The following CLDN16 variants were observed in gnomAD, a reference collection of about 807,000 sequenced individuals.
CLDN16 encodes claudin-16.
Under a neutral mutation model 24.6 loss-of-function variants are expected in CLDN16, and 13 were observed. The ratio of observed to expected loss-of-function variants is 0.53; its 90% CI spans 0.34 to 0.84. The LOEUF is 0.84. CLDN16 is among the 40% of genes least tolerant of loss of function. CLDN16 has a pLI of 0.01. For missense variants in CLDN16, 298 were observed against 292.7 expected (o/e 1.02, Z -0.13); for synonymous variants, 116 against 106.7 (o/e 1.09, Z -0.54).
chr3:190,295,526 A>C, the CLDN16 span, among the ~76,000 whole-genome samples: 1 of 152,116 alleles, frequency 6.6e-6, no homozygotes, highest in Admixed American at 6.5e-5. Context: ...CAACCTACTT[A>C]ATTTCCTAGG....
intron 1 of CLDN16, among the ~76,000 whole-genome samples, chr3:190,367,601 A>G (rs1718049824): frequency 6.6e-6 from 1 of 151,980 alleles, no homozygotes; most frequent in Admixed American, 6.6e-5. Context: ...TACACAGAAC[A>G]TACGGTCTGC....
intron 1 of CLDN16, among the ~76,000 whole-genome samples, chr3:190,369,350 T>C (rs1718085899): frequency 6.6e-6 from 1 of 151,962 alleles, no homozygotes; most frequent in Non-Finnish European, 1.5e-5. Context: ...TTTTAACTGA[T>C]TCATAAAGCT....
upstream of CLDN16, among the ~76,000 whole-genome samples, chr3:190,383,771 TATATAG>T (rs1400262910): frequency 3.5e-4 from 53 of 152,274 alleles, no homozygotes. Flanking sequence ...AGTTGTTTTA[TATATAG>T]ATATAGATAT....
At chr3:190,405,983 G>C (rs984375291) in intron 3 of CLDN16, among the ~76,000 whole-genome samples, 2 of 152,220 alleles carry the variant, frequency 1.3e-5, no homozygotes, top group African/African-American at 4.8e-5. Context: ...GTGGCAGCCT[G>C]ACCAGGCAGT....
At chr3:190,343,031 G>A (rs1717472084) in intron 1 of CLDN16, among the ~76,000 whole-genome samples, 2 of 152,182 alleles carry the variant, frequency 1.3e-5, no homozygotes, top group Non-Finnish European at 2.9e-5. Context: ...ACAACCTACG[G>A]ATTGGAAAAA....
chr3:190,390,707 C>T (rs1232837667), intron 1 of CLDN16, among the ~76,000 whole-genome samples: 3 of 152,144 alleles, frequency 2.0e-5, no homozygotes, highest in Non-Finnish European at 4.4e-5. Flanking sequence ...CTGATGCTAG[C>T]TCAATTGCTC....
At chr3:190,338,998 G>A (rs1717371437) in intron 1 of CLDN16, among the ~76,000 whole-genome samples, 1 of 152,172 alleles carries the variant, frequency 6.6e-6, no homozygotes, top group Non-Finnish European at 1.5e-5. Context: ...TGCCTGAGAA[G>A]TTACACTGTT....
intron 1 of CLDN16, among the ~76,000 whole-genome samples, chr3:190,392,057 G>GTTTTTTTTTTTTTTTTTT (rs1278610607): frequency 9.2e-6 from 1 of 108,692 alleles, no homozygotes; most frequent in African/African-American, 2.9e-5. Flanking sequence ...GTCCTTTTCA[G>GTTTTTTTTTTTTTTTTTT]TCTTTTTTTT....
At chr3:190,291,709 AAAT>A in the CLDN16 span, among the ~76,000 whole-genome samples, 9 of 151,798 alleles carry the variant, frequency 5.9e-5, no homozygotes, top group South Asian at 2.1e-4. Context: ...GGAGCCTGTA[AAAT>A]AATAATAATA....
chr3:190,382,904 A>G (rs943043158), intron 3 of CLDN16, among the ~76,000 whole-genome samples: 3 of 152,092 alleles, frequency 2.0e-5, no homozygotes, highest in African/African-American at 7.2e-5. Context: ...GCTTTATCTT[A>G]AATAGTGGTA....
At position 190,348,335 on chromosome 3, in the gene CLDN16, ATGTGTG is replaced by A. The variant is rs57246894; in HGVS notation, n.122-22533_122-22528del. ...TGTCAAGGAAGACAGCAAGACTGCA[ATGTGTG>A]TGTGTGTGTGTGTGTGTGTGTGTGG... On this transcript the variant is annotated intron_variant and non_coding_transcript_variant, in intron 1 of 4. Coordinates refer to the CLDN16 transcript ENST00000468220. 2.0e-4 allele frequency among the ~76,000 whole-genome samples: 28 copies of A among 138,444 alleles called. 1 individual carries two copies. The highest frequency in any genetic ancestry group is 9.5e-4 in the South Asian group (4 of 4,218). 90.8% of individuals were successfully genotyped at this position (138,444 alleles called of 152,430 possible).
At chr3:190,398,209 T>A (rs1384457738) in intron 1 of CLDN16, among the ~76,000 whole-genome samples, 6 of 152,200 alleles carry the variant, frequency 3.9e-5, no homozygotes, top group Admixed American at 3.9e-4. Flanking sequence ...AATATACTAA[T>A]TTCCTATAGT....
chr3:190,321,481 G>A (rs1577393224), upstream of CLDN16, among the ~76,000 whole-genome samples: 1 of 152,266 alleles, frequency 6.6e-6, no homozygotes. Context: ...TTTCCAGTAG[G>A]AATGTAACTT....
At chr3:190,300,983 GT>G in the CLDN16 span, among the ~76,000 whole-genome samples, 7 of 152,112 alleles carry the variant, frequency 4.6e-5, no homozygotes, top group Non-Finnish European at 1.0e-4. Context: ...AATAAATTTG[GT>G]TTCTGCCATT....
intron 1 of CLDN16, among the ~76,000 whole-genome samples, chr3:190,345,253 G>C (rs1345454121): frequency 6.6e-6 from 1 of 152,106 alleles, no homozygotes; most frequent in Non-Finnish European, 1.5e-5. Flanking sequence ...GATACTACCA[G>C]ATAAAAGGTC....
chr3:190,370,266 AT>A (rs1408469376), intron 1 of CLDN16, among the ~76,000 whole-genome samples: 1 of 152,010 alleles, frequency 6.6e-6, no homozygotes, highest in Non-Finnish European at 1.5e-5. Flanking sequence ...TTCTTCAGCT[AT>A]TTCCATATAA....
At chr3:190,348,087 C>CA (rs777398020) in intron 1 of CLDN16, among the ~76,000 whole-genome samples, 16,172 of 97,316 alleles carry the variant, frequency 0.17, 1,782 homozygotes, top group African/African-American at 0.34. Context: ...ACTGAAAATA[C>CA]AAAAAAAAAA....
chr3:190,293,446 A>G, the CLDN16 span, among the ~76,000 whole-genome samples: 1 of 152,202 alleles, frequency 6.6e-6, no homozygotes, highest in African/African-American at 2.4e-5. Context: ...GTTTTATTCT[A>G]AGTGTAAAAG....
chr3:190,362,588 G>C (rs534535752), intron 1 of CLDN16, among the ~76,000 whole-genome samples: 3 of 151,952 alleles, frequency 2.0e-5, no homozygotes, highest in Non-Finnish European at 4.4e-5. Flanking sequence ...TGCAATTCCC[G>C]TGTCTTGATA....
Sources: gnomAD v4.1 joint callset for allele counts (sites outside exome capture counted in the v4.1 genomes callset) on GRCh38, gnomAD v4.1.1 for gene constraint, MANE v1.5 for transcripts, NCBI Gene and HGNC (gene_info 2026-07-23, HGNC 2026-07-21) for gene names.